MYH16: variants seen among roughly 807,000 people sequenced by gnomAD.
The protein encoded by MYH16 is putative uncharacterized protein MYH16.
intron 33 of MYH16, among the ~76,000 whole-genome samples, chr7:99,295,522 A>G (rs1381338928): frequency 6.6e-6 from 1 of 152,136 alleles, no homozygotes; most frequent in Non-Finnish European, 1.5e-5. Context: ...TATGAGAATT[A>G]AATAGGATTT....
intron 37 of MYH16, among the ~76,000 whole-genome samples, chr7:99,299,927 T>TTTTATTTTATTTATTTATTTATTTA (rs1405217065): frequency 1.1e-4 from 15 of 138,182 alleles, no homozygotes; most frequent in African/African-American, 3.8e-4. Flanking sequence ...TTTTATTTTA[T>TTTTATTTTATTTATTTATTTATTTA]TTTATTTATT....
intron 18 of MYH16, among the ~76,000 whole-genome samples, chr7:99,269,025 C>T (rs1792018740): frequency 6.6e-6 from 1 of 152,226 alleles, no homozygotes; most frequent in Non-Finnish European, 1.5e-5. Flanking sequence ...CAGTCAGACA[C>T]ACAGCACATC....
rs369920464 is a variant in MYH16, at chr7:99,279,566, G to C, written n.2716G>C. 24 of 456,634 alleles carry C rather than the reference G, an allele frequency of 5.3e-5. No homozygotes were observed. In the East Asian group the frequency reaches 1.5e-3, roughly 28 times the overall value. 28.3% of individuals were successfully genotyped at this position (456,634 alleles called of 1,614,324 possible). A position where few individuals can be genotyped will look rare whatever the true frequency, so the allele number is the denominator to read the frequency against. The stretch of plus-strand genomic sequence containing the variant: ...GCCTGACATGGATGATGAAGACCAA[G>C]ATGGATCTAGAGAGCCAGATCTCAG... On this transcript the variant is annotated non_coding_transcript_exon_variant, in exon 22 of 42. Transcript: ENST00000439784.
intron 28 of MYH16, 55 bp from the exon 10 acceptor site, chr7:99,287,837 C>T (rs1220537877): frequency 2.3e-6 from 1 of 433,342 alleles, no homozygotes; most frequent in Non-Finnish European, 4.7e-6. Flanking sequence ...GCGGTGTCCA[C>T]CCGGAAAAGG....
At chr7:99,267,007 C>T (rs977536987) in intron 18 of MYH16, 1 of 152,702 alleles carries the variant, frequency 6.5e-6, no homozygotes, top group Non-Finnish European at 1.5e-5. Flanking sequence ...CCCCTACACA[C>T]CCCCTCAGCC....
chr7:99,280,311 G>A (rs562905426), intron 22 of MYH16, among the ~76,000 whole-genome samples: 44 of 152,374 alleles, frequency 2.9e-4, no homozygotes, highest in South Asian at 1.0e-3. Context: ...GAACATGTCC[G>A]TCACTGCAGA....
At chr7:99,244,136 C>A (rs1791701656) in intron 2 of MYH16, among the ~76,000 whole-genome samples, 1 of 151,528 alleles carries the variant, frequency 6.6e-6, no homozygotes, top group Admixed American at 6.6e-5. Context: ...CATCCATCAA[C>A]CAAACATCCA....
chr7:99,300,275 A>G (rs1792572242), intron 37 of MYH16, among the ~76,000 whole-genome samples: 1 of 152,160 alleles, frequency 6.6e-6, no homozygotes, highest in African/African-American at 2.4e-5. Context: ...TTGATTTGTA[A>G]AATCATTTTT....
intron 14 of MYH16, among the ~76,000 whole-genome samples, chr7:99,264,069 C>A (rs542334440): frequency 4.0e-4 from 61 of 152,370 alleles, no homozygotes; most frequent in African/African-American, 1.4e-3. Context: ...TACGCTGTAG[C>A]CAGCCCGTTT....
chr7:99,275,209 G>A (rs1035508494), intron 20 of MYH16, among the ~76,000 whole-genome samples: 7 of 151,936 alleles, frequency 4.6e-5, no homozygotes, highest in African/African-American at 1.7e-4. Flanking sequence ...TGTTGCCCAG[G>A]CTGGTCTCAA....
intron 25 of MYH16, 143 bp from the exon 8 acceptor site, chr7:99,284,702 C>T (rs767152502): frequency 1.8e-5 from 7 of 388,512 alleles, no homozygotes; most frequent in Admixed American, 1.1e-4. Context: ...TGGGCTGTCA[C>T]TACAGAAGGC....
At position 99,299,908 on chromosome 7, in the gene MYH16, C is replaced by T. The variant is rs528215444; in HGVS notation, n.4933+250C>T. ...AAGGAGGGAAACAGGAAGTTGGGCC[C>T]GTCTAGATTTTTATTTTATTTTATT... On this transcript the variant is annotated intron_variant and non_coding_transcript_variant, in intron 37 of 41. Coordinates refer to ENST00000439784, the Ensembl canonical transcript of MYH16. Among the ~76,000 whole-genome samples the T allele has an allele frequency of 8.7e-5, 13 of 149,686 alleles. No homozygotes were observed. The East Asian group carries it at 9.8e-4, about 11-fold the overall frequency.
intron 1 of MYH16, chr7:99,239,168 A>G (rs1283667759): frequency 2.6e-5 from 4 of 152,284 alleles, no homozygotes; most frequent in Non-Finnish European, 5.9e-5. Flanking sequence ...CTGGGGTCAA[A>G]TCCAGACTCG....
chr7:99,266,663 C>T (rs1791990314), intron 17 of MYH16, among the ~76,000 whole-genome samples: 2 of 152,238 alleles, frequency 1.3e-5, no homozygotes, highest in African/African-American at 4.8e-5. Flanking sequence ...CCAATGTCCA[C>T]TCCCAAGCTG....
chr7:99,297,959 G>A (rs746376560), exon 36 of MYH16: 4 of 456,722 alleles, frequency 8.8e-6, no homozygotes, highest in South Asian at 4.6e-5. Flanking sequence ...ATCGACCGAA[G>A]AATCCATGAG....
At chr7:99,259,019 G>T (rs56383213) in intron 11 of MYH16, among the ~76,000 whole-genome samples, 1 of 152,108 alleles carries the variant, frequency 6.6e-6, no homozygotes, top group African/African-American at 2.4e-5. Context: ...AGAGAGCAAG[G>T]GGGGAGGTGC....
intron 33 of MYH16, among the ~76,000 whole-genome samples, chr7:99,294,402 C>T (rs1480164599): frequency 6.7e-6 from 1 of 148,818 alleles, no homozygotes; most frequent in Non-Finnish European, 1.5e-5. Context: ...CACAATGGCC[C>T]ATGCCTCTAA....
intron 37 of MYH16, 56 bp downstream of exon 18, chr7:99,299,714 T>G (rs565996495): frequency 6.5e-6 from 1 of 152,914 alleles, no homozygotes; most frequent in South Asian, 2.1e-4. Flanking sequence ...ATTGGTTGAG[T>G]CTGAAGGCCT....
At chr7:99,302,901 A>G (rs576145877) in intron 38 of MYH16, among the ~76,000 whole-genome samples, 164 bp from the exon 20 acceptor site, 86 of 152,158 alleles carry the variant, frequency 5.7e-4, no homozygotes, top group Non-Finnish European at 1.1e-3. Flanking sequence ...AAAAAGAAAA[A>G]AAAAAGAATG....
Sources: gnomAD v4.1 joint callset for allele counts (sites outside exome capture counted in the v4.1 genomes callset) on GRCh38, gnomAD v4.1.1 for gene constraint, MANE v1.5 for transcripts, NCBI Gene and HGNC (gene_info 2026-07-23, HGNC 2026-07-21) for gene names.